The following GRM5 variants were observed in gnomAD, a reference collection of about 807,000 sequenced individuals.
The protein encoded by GRM5 is metabotropic glutamate receptor 5.
Under a neutral mutation model 83.1 loss-of-function variants are expected in GRM5, and 19 were observed. That is an observed-to-expected ratio of 0.23 (90% CI 0.16 to 0.34). GRM5 has a LOEUF of 0.34. Ranked by LOEUF, GRM5 falls within the 10% of genes least tolerant of loss-of-function variation. The pLI, the probability that GRM5 is intolerant of heterozygous loss-of-function variation, is 1.00. For synonymous variants in GRM5, 675 were observed against 633.6 expected (o/e 1.07, Z -0.98); for missense variants, 1,160 against 1,588.3 (o/e 0.73, Z 4.58).
chr11:88,844,149 C>A (rs929208220), intron 3 of GRM5, among the ~76,000 whole-genome samples: 10 of 152,112 alleles, frequency 6.6e-5, no homozygotes, highest in Admixed American at 1.3e-4. Context: ...TGTCAAAGGA[C>A]AGACTAACTC....
intron 3 of GRM5, among the ~76,000 whole-genome samples, chr11:88,691,265 A>AG (rs1940775342): frequency 6.6e-6 from 1 of 152,178 alleles, no homozygotes; most frequent in African/African-American, 2.4e-5. Flanking sequence ...CACTGGAGAA[A>AG]GGGTCACATT....
chr11:89,052,496 C>G (rs945300251), intron 1 of GRM5, among the ~76,000 whole-genome samples: 2 of 151,948 alleles, frequency 1.3e-5, no homozygotes. Context: ...AAAACGTATC[C>G]GATTCACATG....
chr11:88,567,072 A>T lies in GRM5; in HGVS notation c.2611T>A (p.Ser871Thr), dbSNP rs139916129. 3 of 1,611,418 alleles carry T rather than the reference A, an allele frequency of 1.9e-6. No individual in the cohort carries two copies. The African/African-American group carries it at 4.0e-5, about 22-fold the overall frequency. ...TTTTACCTTAAGGTTTCCCCAGAGG[A>T]GCCCCTTCTCTTCCACAGGTTGACT... is the stretch of plus-strand genomic sequence containing the variant. ...SLVNLWKRRG[S>T]SGETLRYKDR... Residue 871 changes from serine (S) to threonine (T), a missense_variant, in exon 8 of 10, where the codon TCC becomes ACC. Ser to Thr is a moderately conservative substitution (Grantham distance 58). Transcript: ENST00000305447. The surrounding 1 kb of genome is among the most constrained non-coding windows in gnomAD (Gnocchi z 7.3).
intron 3 of GRM5, among the ~76,000 whole-genome samples, chr11:88,777,451 G>A (rs546922366): frequency 3.3e-5 from 5 of 152,248 alleles, no homozygotes; most frequent in African/African-American, 9.6e-5. Context: ...AATCGTCAAA[G>A]TCATTCTATG....
chr11:89,047,606 G>T lies in GRM5; in HGVS notation c.267C>A (p.Ile89=), dbSNP rs1034723174. 3.7e-6 allele frequency: 6 copies of T among 1,614,162 alleles called. No individual in the cohort carries two copies. In the South Asian group the frequency reaches 6.6e-5, roughly 18 times the overall value. Residue 89 remains isoleucine (I), a synonymous_variant, in exon 2 of 10, where the codon ATC becomes ATA. Coordinates refer to ENST00000305447, the MANE Select transcript of GRM5 (RefSeq NM_001143831.3). The surrounding 1 kb of genome is among the most constrained non-coding windows in gnomAD (Gnocchi z 5.1). The stretch of plus-strand genomic sequence containing the variant: ...AGTCCCTTATCTCACAGCCCAGTGT[G>T]ATGTTGGGCAAGAGTGTGGGGTCTG... ...INSDPTLLPN[I]TLGCEIRDSC... is the part of the protein sequence containing the mutation.
At chr11:88,630,527 T>C (rs2135270707) in intron 4 of GRM5, among the ~76,000 whole-genome samples, 1 of 147,920 alleles carries the variant, frequency 6.8e-6, no homozygotes, top group African/African-American at 2.5e-5. Context: ...AATAATAATT[T>C]ACTAATGTAA....
At chr11:88,607,426 T>A (rs1000895498) in intron 4 of GRM5, among the ~76,000 whole-genome samples, 3 of 152,204 alleles carry the variant, frequency 2.0e-5, no homozygotes, top group African/African-American at 7.2e-5. Flanking sequence ...TATCCTCTCC[T>A]GTCTAGATTA....
Position 88,864,983 on chromosome 11 carries a change from T to C in GRM5, c.662-14828A>G, listed in dbSNP as rs111252943. On this transcript the variant is annotated intron_variant, in intron 2 of 9. Transcript: ENST00000305447. ...TGGATTACATTTATTGATTTGCATA[T>C]GTTGAACCAGCCTTACAAGGGATGT... Among the ~76,000 whole-genome samples the C allele has an allele frequency of 3.4e-4, 51 of 152,018 alleles. 3 individuals are homozygous for C. Among genetic ancestry groups the C allele is most frequent in the African/African-American group, 1.1e-3 (45 of 41,412 alleles).
chr11:88,911,759 G>C (rs1159913381), intron 2 of GRM5, among the ~76,000 whole-genome samples: 1 of 152,056 alleles, frequency 6.6e-6, no homozygotes, highest in Non-Finnish European at 1.5e-5. Flanking sequence ...TTGGAGATGA[G>C]GGGGAAGTAA....
chr11:88,753,339 A>G (rs540103015), intron 3 of GRM5, among the ~76,000 whole-genome samples: 1 of 152,068 alleles, frequency 6.6e-6, no homozygotes, highest in South Asian at 2.1e-4. Flanking sequence ...GCCAATAAAC[A>G]TATGAAAAAA....
rs145713530 is a variant in GRM5 at position 88,607,515 on chromosome 11, T to C, written c.1148-2551A>G. 3.9e-5 allele frequency among the ~76,000 whole-genome samples: 6 copies of C among 152,294 alleles called. No homozygotes were observed. In the East Asian group the frequency reaches 1.2e-3, roughly 29 times the overall value. On this transcript the variant is annotated intron_variant, in intron 4 of 9. Coordinates refer to ENST00000305447, the MANE Select transcript of GRM5 (RefSeq NM_001143831.3). ...GCACTCCAGCCTGTTTTTAGCACAA[T>C]AGCCTTAACTAGAAGTCAGATCATG...
intron 2 of GRM5, among the ~76,000 whole-genome samples, chr11:88,861,785 C>G (rs1323341111): frequency 6.6e-6 from 1 of 152,064 alleles, no homozygotes; most frequent in Non-Finnish European, 1.5e-5. Flanking sequence ...ACCTGGCCCA[C>G]AGTTCTAAAC....
At chr11:88,551,326 CT>C (rs1942501776) in intron 8 of GRM5, among the ~76,000 whole-genome samples, 1 of 152,164 alleles carries the variant, frequency 6.6e-6, no homozygotes, top group Non-Finnish European at 1.5e-5. Flanking sequence ...AAGAACTTGA[CT>C]TTAAATCCTG....
At chr11:88,710,199 C>A (rs942843457) in intron 3 of GRM5, among the ~76,000 whole-genome samples, 7 of 152,122 alleles carry the variant, frequency 4.6e-5, no homozygotes, top group African/African-American at 7.2e-5. Context: ...CAATCATGTT[C>A]ACCACAGAAA....
intron 9 of GRM5, chr11:88,523,970 A>G (rs1462422982): frequency 6.6e-6 from 1 of 152,116 alleles, no homozygotes; most frequent in African/African-American, 2.4e-5. Flanking sequence ...CACATACTCT[A>G]CTTATTGAAT....
chr11:88,526,088 C>T (rs1020685582), intron 8 of GRM5, among the ~76,000 whole-genome samples: 5 of 152,184 alleles, frequency 3.3e-5, no homozygotes, highest in African/African-American at 1.2e-4. Flanking sequence ...GGAGAGAAGA[C>T]ATGTTCTTTG....
intron 3 of GRM5, among the ~76,000 whole-genome samples, chr11:88,793,811 G>GT (rs1046649128): frequency 1.5e-4 from 23 of 151,752 alleles, no homozygotes; most frequent in Admixed American, 1.3e-3. Flanking sequence ...AGAGAAGACT[G>GT]TTTTTTTTGT....
At chr11:89,051,369 G>T (rs1168498784) in intron 1 of GRM5, among the ~76,000 whole-genome samples, 1 of 152,058 alleles carries the variant, frequency 6.6e-6, no homozygotes, top group Non-Finnish European at 1.5e-5. Context: ...AGATGGAAAG[G>T]CAAGAAAGGT....
intron 2 of GRM5, among the ~76,000 whole-genome samples, chr11:89,044,781 T>C (rs1941609161): frequency 6.6e-6 from 1 of 151,480 alleles, no homozygotes; most frequent in Non-Finnish European, 1.5e-5. Flanking sequence ...AGGAAGAGAC[T>C]GGATGATAAC....
Sources: allele counts gnomAD v4.1 joint callset (sites outside exome capture counted in the v4.1 genomes callset), GRCh38; gene constraint gnomAD v4.1.1; non-coding constraint Gnocchi (gnomAD v3.1); transcripts MANE v1.5; gene names NCBI Gene and HGNC (gene_info 2026-07-23, HGNC 2026-07-21).